The following ZNF385D variants were observed in gnomAD, a reference collection of about 807,000 sequenced individuals.
ZNF385D encodes zinc finger protein 659.
Under a neutral mutation model 35.8 loss-of-function variants are expected in ZNF385D, and 15 were observed. That is an observed-to-expected ratio of 0.42 (90% confidence interval 0.28 to 0.64). ZNF385D has a LOEUF of 0.64. Ranked by LOEUF, ZNF385D falls within the 30% of genes least tolerant of loss-of-function variation. ZNF385D has a pLI of 0.23. For missense variants in ZNF385D, 474 were observed against 494.6 expected (o/e 0.96, Z 0.39); for synonymous variants, 212 against 186.8 (o/e 1.13, Z -1.10).
chr3:22,160,932 T>C (rs1705910548), intron 3 of ZNF385D, among the ~76,000 whole-genome samples: 1 of 152,088 alleles, frequency 6.6e-6, no homozygotes. Flanking sequence ...CCATAGAAGG[T>C]TTAAACATCC....
chr3:21,668,772 A>G (rs1273359084), intron 1 of ZNF385D, among the ~76,000 whole-genome samples: 1 of 152,358 alleles, frequency 6.6e-6, no homozygotes, highest in Non-Finnish European at 1.5e-5. Context: ...GGCAAATATA[A>G]TATGTTTCAT....
intron 2 of ZNF385D, among the ~76,000 whole-genome samples, chr3:22,246,722 T>A (rs1252407686): frequency 1.3e-5 from 2 of 152,160 alleles, no homozygotes; most frequent in African/African-American, 4.8e-5. Context: ...ATTCTTATTA[T>A]GAAGGTAGAA....
rs1040282304 is a variant in ZNF385D, at chr3:22,292,718, A to C, written c.106+79732T>G. 2.6e-5 allele frequency among the ~76,000 whole-genome samples: 4 copies of C among 152,152 alleles called. No homozygotes were observed. The East Asian group carries it at 7.7e-4, about 29-fold the overall frequency. On this transcript the variant is annotated intron_variant, in intron 2 of 5. Transcript: ENST00000494108. ...TCTGTAACAAGTATTTGTTTTCTGTATTTGATAGTTAGAAATATTTTTAAA... is the reference window on the plus strand; with the variant it reads ...TCTGTAACAAGTATTTGTTTTCTGTCTTTGATAGTTAGAAATATTTTTAAA...
chr3:22,298,547 GTA>G (rs1702731531), intron 2 of ZNF385D, among the ~76,000 whole-genome samples: 2 of 118,722 alleles, frequency 1.7e-5, no homozygotes, highest in South Asian at 6.2e-4. Flanking sequence ...AAACATTTAT[GTA>G]TATACACACA....
Position 21,857,914 on chromosome 3 carries a change from G to A in ZNF385D, c.326-192886C>T, listed in dbSNP as rs558300101. On this transcript the variant is annotated intron_variant, in intron 3 of 5. Coordinates refer to the ZNF385D transcript ENST00000494108. Reference sequence around the variant, plus strand: ...AGCCATGGAACAAATGCAAGGCAGTGTCCTTTAAATACAGTTTCAAAGGAA... The same window carrying A: ...AGCCATGGAACAAATGCAAGGCAGTATCCTTTAAATACAGTTTCAAAGGAA... 3.9e-5 allele frequency among the ~76,000 whole-genome samples: 6 copies of A among 152,040 alleles called. No individual in the cohort carries two copies. In the South Asian group the frequency reaches 1.2e-3, roughly 32 times the overall value.
At chr3:22,240,448 C>G (rs1699432339) in intron 2 of ZNF385D, among the ~76,000 whole-genome samples, 1 of 151,012 alleles carries the variant, frequency 6.6e-6, no homozygotes, top group Non-Finnish European at 1.5e-5. Context: ...CAGTTCCAGC[C>G]TACATCATGT....
At chr3:22,023,913 G>T (rs1214769889) in intron 3 of ZNF385D, among the ~76,000 whole-genome samples, 1 of 152,044 alleles carries the variant, frequency 6.6e-6, no homozygotes, top group Admixed American at 6.6e-5. Context: ...CTGCTCTAAA[G>T]AATACCTGAG....
intron 2 of ZNF385D, among the ~76,000 whole-genome samples, chr3:21,655,090 A>ATT (rs1412534732): frequency 6.6e-6 from 1 of 151,870 alleles, no homozygotes; most frequent in East Asian, 1.9e-4. Context: ...GGGCAAAGAA[A>ATT]TCACCTTGGG....
chr3:21,460,448 A>G (rs1559311893), intron 4 of ZNF385D, among the ~76,000 whole-genome samples: 1 of 152,232 alleles, frequency 6.6e-6, no homozygotes. Context: ...AACTATATTC[A>G]GTATGAACCT....
intron 2 of ZNF385D, chr3:21,579,191 C>T (rs2125699844): frequency 6.6e-6 from 1 of 152,214 alleles, no homozygotes; most frequent in South Asian, 2.1e-4. Flanking sequence ...CCCCACAGCT[C>T]CAGAATTGGG....
intron 3 of ZNF385D, among the ~76,000 whole-genome samples, chr3:22,025,981 G>A (rs1462522740): frequency 6.6e-6 from 1 of 152,138 alleles, no homozygotes; most frequent in East Asian, 1.9e-4. Flanking sequence ...ACCATCAAAG[G>A]CAAGGTGGGC....
chr3:22,006,159 A>G (rs1473768451), intron 3 of ZNF385D, among the ~76,000 whole-genome samples: 1 of 152,148 alleles, frequency 6.6e-6, no homozygotes, highest in South Asian at 2.1e-4. Flanking sequence ...TTAAAAACAG[A>G]GGCAAAATGA....
chr3:21,640,216 G>T (rs1180042645), intron 2 of ZNF385D, among the ~76,000 whole-genome samples: 2 of 152,024 alleles, frequency 1.3e-5, no homozygotes, highest in Non-Finnish European at 2.9e-5. Context: ...ATGTTATACT[G>T]CCATTAACAT....
chr3:22,141,153 T>C (rs1704481276), intron 3 of ZNF385D, among the ~76,000 whole-genome samples: 1 of 152,168 alleles, frequency 6.6e-6, no homozygotes, highest in African/African-American at 2.4e-5. Context: ...ATACTGTTCC[T>C]AAAATAATAA....
rs377392882 is a variant in ZNF385D at position 21,901,863 on chromosome 3, A to C, written c.326-236835T>G. Among the ~76,000 whole-genome samples, 15 of 152,314 alleles carry C rather than the reference A, an allele frequency of 9.8e-5. No homozygotes were observed. The East Asian group carries it at 2.5e-3, about 26-fold the overall frequency. ...AGAAATACTTGGATAACGAAAGAAG[A>C]ATCTCAGCAAAGGGAAGGAAGACAC... On this transcript the variant is annotated intron_variant, in intron 3 of 5. Transcript: ENST00000494108.
intron 3 of ZNF385D, among the ~76,000 whole-genome samples, chr3:22,076,531 C>T (rs578220321): frequency 6.6e-6 from 1 of 152,028 alleles, no homozygotes; most frequent in African/African-American, 2.4e-5. Context: ...TATGCTATAA[C>T]ACAGTCTCTA....
chr3:22,187,338 C>CTA (rs1477183642), intron 2 of ZNF385D, among the ~76,000 whole-genome samples: 1 of 152,126 alleles, frequency 6.6e-6, no homozygotes, highest in Non-Finnish European at 1.5e-5. Flanking sequence ...TGATACATAT[C>CTA]TATTTCTCAA....
At chr3:21,894,641 A>G (rs1051451599) in intron 3 of ZNF385D, among the ~76,000 whole-genome samples, 1 of 152,306 alleles carries the variant, frequency 6.6e-6, no homozygotes. Flanking sequence ...ATTATCCTCT[A>G]AATTCATGGT....
intron 3 of ZNF385D, among the ~76,000 whole-genome samples, chr3:21,798,338 G>A (rs887526153): frequency 1.3e-5 from 2 of 152,182 alleles, no homozygotes; most frequent in Non-Finnish European, 2.9e-5. Flanking sequence ...CCTTTTCGAA[G>A]TTCACTGGTT....
Sources: allele counts gnomAD v4.1 joint callset (sites outside exome capture counted in the v4.1 genomes callset), GRCh38; gene constraint gnomAD v4.1.1; transcripts MANE v1.5; gene names NCBI Gene and HGNC (gene_info 2026-07-23, HGNC 2026-07-21).